LRMDA: variants seen among roughly 807,000 people sequenced by gnomAD.
LRMDA encodes leucine rich melanocyte differentiation associated.
In LRMDA, 18 loss-of-function variants were observed where a neutral mutation model predicts 29.8. The ratio of observed to expected loss-of-function variants is 0.60; its 90% CI spans 0.42 to 0.90. LRMDA has a LOEUF of 0.90. LRMDA is among the 40% of genes least tolerant of loss of function. LRMDA has a pLI of 0.00. For synonymous variants in LRMDA, 125 were observed against 109.4 expected, an observed-to-expected ratio of 1.14 and a Z score of -0.89; for missense variants, 273 against 273.9, an observed-to-expected ratio of 1.00 and a Z score of 0.02.
chr10:75,900,954 C>T (rs1441081695), intron 2 of LRMDA, among the ~76,000 whole-genome samples: 4 of 152,170 alleles, frequency 2.6e-5, no homozygotes, highest in Non-Finnish European at 4.4e-5. Context: ...TGATGCCAGA[C>T]ATTCAAGCCA....
chr10:76,011,549 T>A (rs1324647092), intron 2 of LRMDA, among the ~76,000 whole-genome samples: 6 of 152,148 alleles, frequency 3.9e-5, no homozygotes, highest in Admixed American at 1.3e-4. Flanking sequence ...CTCACCTGCC[T>A]CTCAGGGTGA....
rs540850102 is a variant in LRMDA, at chr10:76,329,480, G to T, written c.601+4995G>T. Among the ~76,000 whole-genome samples the T allele has an allele frequency of 5.3e-5, 8 of 152,290 alleles. No individual in the cohort carries two copies. The South Asian group carries it at 1.7e-3, about 32-fold the overall frequency. Reference sequence around the variant, plus strand: ...CCATATTAAACATTGAACTTGAAATGTGTAAAAGAAAGAAAGCAAAAAGAA... The same window carrying T: ...CCATATTAAACATTGAACTTGAAATTTGTAAAAGAAAGAAAGCAAAAAGAA... On this transcript the variant is annotated intron_variant, in intron 6 of 6. Transcript: ENST00000611255.
intron 2 of LRMDA, among the ~76,000 whole-genome samples, chr10:75,873,467 C>T (rs1217084207): frequency 2.6e-5 from 4 of 152,074 alleles, no homozygotes. Context: ...AGAATATAAG[C>T]CATAATGAAA....
At chr10:76,276,057 T>A (rs9971161) in intron 5 of LRMDA, among the ~76,000 whole-genome samples, 12 of 135,732 alleles carry the variant, frequency 8.8e-5, no homozygotes, top group African/African-American at 2.5e-4. Flanking sequence ...ATCTATCTCT[T>A]TCTTTCTCTC....
At chr10:75,649,212 AT>A (rs1841567083) in intron 2 of LRMDA, among the ~76,000 whole-genome samples, 1 of 152,098 alleles carries the variant, frequency 6.6e-6, no homozygotes, top group South Asian at 2.1e-4. Context: ...ATTATACAGT[AT>A]TTATCCTTTT....
At chr10:76,403,877 CT>C (rs772702354) in intron 6 of LRMDA, among the ~76,000 whole-genome samples, 36 of 152,204 alleles carry the variant, frequency 2.4e-4, no homozygotes, top group African/African-American at 5.3e-4. Flanking sequence ...AGTTTCCCCC[CT>C]GGCCTTCCAT....
chr10:75,558,779 G>A (rs1394979277), intron 2 of LRMDA, among the ~76,000 whole-genome samples: 2 of 149,520 alleles, frequency 1.3e-5, no homozygotes, highest in Admixed American at 1.3e-4. Context: ...AGAACATGTG[G>A]TGTTTGGTTT....
chr10:76,334,934 G>A (rs1840949749), intron 6 of LRMDA, among the ~76,000 whole-genome samples: 1 of 152,192 alleles, frequency 6.6e-6, no homozygotes, highest in Admixed American at 6.5e-5. Context: ...TGCAGAGAAA[G>A]CAGAGGCCAA....
At chr10:75,561,417 T>C (rs1282742534) in intron 2 of LRMDA, among the ~76,000 whole-genome samples, 1 of 150,988 alleles carries the variant, frequency 6.6e-6, no homozygotes, top group Non-Finnish European at 1.5e-5. Context: ...TATTTGATTC[T>C]TCTTTTTTTC....
intron 5 of LRMDA, among the ~76,000 whole-genome samples, chr10:76,190,162 G>C (rs1380469021): frequency 1.3e-5 from 2 of 151,918 alleles, no homozygotes; most frequent in Non-Finnish European, 2.9e-5. Flanking sequence ...CTCTTTCCTC[G>C]GCACAAATGA....
chr10:76,040,043 T>C (rs1158012697), intron 3 of LRMDA, among the ~76,000 whole-genome samples: 1 of 152,208 alleles, frequency 6.6e-6, no homozygotes, highest in African/African-American at 2.4e-5. Context: ...TACTCTCATT[T>C]TTATGGAAAA....
chr10:76,349,768 A>T (rs572985137), intron 6 of LRMDA, among the ~76,000 whole-genome samples: 2 of 152,142 alleles, frequency 1.3e-5, no homozygotes, highest in African/African-American at 4.8e-5. Context: ...GAATTAATGT[A>T]TCTCTATTGG....
chr10:76,125,376 C>T (rs1379845920), intron 5 of LRMDA, among the ~76,000 whole-genome samples: 1 of 152,170 alleles, frequency 6.6e-6, no homozygotes, highest in Non-Finnish European at 1.5e-5. Context: ...ATGAGGTGAC[C>T]TCCTGTTCGG....
intron 5 of LRMDA, among the ~76,000 whole-genome samples, chr10:76,065,925 A>G (rs1421460976): frequency 1.3e-5 from 2 of 152,220 alleles, no homozygotes; most frequent in East Asian, 3.9e-4. Context: ...GCCATTTGCT[A>G]TGAAAACAAC....
At chr10:76,205,371 TTTTG>T (rs1851515259) in intron 5 of LRMDA, among the ~76,000 whole-genome samples, 1 of 152,128 alleles carries the variant, frequency 6.6e-6, no homozygotes, top group African/African-American at 2.4e-5. Flanking sequence ...CCCCAGGCAA[TTTTG>T]TTTGATCCCA....
In LRMDA at chr10:75,490,958, T is replaced by C. The variant is rs1230227307; in HGVS notation, c.131+52464T>C. Among the ~76,000 whole-genome samples the C allele has an allele frequency of 2.0e-5, 3 of 152,302 alleles. No homozygotes were observed. The East Asian group carries it at 5.8e-4, about 29-fold the overall frequency. On this transcript the variant is annotated intron_variant, in intron 2 of 6. Transcript: ENST00000611255. Reference sequence around the variant, plus strand: ...GTATCAGGAGTACAATAATAATTTTTTCCCCTAACACAGAGAATATTTTTT... The same window carrying C: ...GTATCAGGAGTACAATAATAATTTTCTCCCCTAACACAGAGAATATTTTTT...
chr10:76,025,006 C>G (rs1464094042), intron 2 of LRMDA, among the ~76,000 whole-genome samples: 1 of 152,180 alleles, frequency 6.6e-6, no homozygotes, highest in East Asian at 1.9e-4. Context: ...CTCACATCTC[C>G]CTAGCAAAGA....
chr10:76,041,898 G>T (rs79390708), intron 3 of LRMDA, among the ~76,000 whole-genome samples: 5,606 of 152,270 alleles, frequency 0.037, 172 homozygotes, highest in Non-Finnish European at 0.058. Context: ...ACTGTGCCAG[G>T]TAGCTACACA....
intron 2 of LRMDA, among the ~76,000 whole-genome samples, chr10:75,512,433 A>G (rs1174872704): frequency 6.6e-6 from 1 of 152,174 alleles, no homozygotes. Context: ...TGCTCCAGGA[A>G]AAGCATTAGT....
Sources: gnomAD v4.1 joint callset for allele counts (sites outside exome capture counted in the v4.1 genomes callset) on GRCh38, gnomAD v4.1.1 for gene constraint, MANE v1.5 for transcripts, NCBI Gene and HGNC (gene_info 2026-07-23, HGNC 2026-07-21) for gene names.